The following RALYL variants were observed in gnomAD, a reference collection of about 807,000 sequenced individuals.
The protein encoded by RALYL is RNA-binding Raly-like protein.
Under a neutral mutation model 35.1 loss-of-function variants are expected in RALYL, and 29 were observed. The observed-to-expected ratio is 0.83, with a 90% CI of 0.61 to 1.13. RALYL has a LOEUF of 1.13. RALYL is among the 50% of genes most tolerant of loss of function. The pLI is 0.00. For missense variants in RALYL, 359 were observed against 360.4 expected (o/e 1.00, Z 0.03); for synonymous variants, 120 against 127.6 (o/e 0.94, Z 0.40).
intron 1 of RALYL, among the ~76,000 whole-genome samples, chr8:84,485,603 C>A (rs573656430): frequency 2.6e-4 from 39 of 152,068 alleles, no homozygotes; most frequent in African/African-American, 8.7e-4. Flanking sequence ...AAAACAAAAA[C>A]TACTAGTATC....
chr8:84,551,012 G>C (rs754110687), intron 2 of RALYL, among the ~76,000 whole-genome samples: 1 of 151,872 alleles, frequency 6.6e-6, no homozygotes, highest in Non-Finnish European at 1.5e-5. Flanking sequence ...GATTTTTTAA[G>C]GGTAGTGACA....
intron 2 of RALYL, among the ~76,000 whole-genome samples, chr8:84,651,342 A>T (rs1043134474): frequency 2.6e-5 from 4 of 151,926 alleles, no homozygotes; most frequent in African/African-American, 7.2e-5. Context: ...GTTAATAATT[A>T]TACTATAATT....
intron 1 of RALYL, among the ~76,000 whole-genome samples, chr8:84,366,209 A>T (rs1854236577): frequency 6.6e-6 from 1 of 152,168 alleles, no homozygotes; most frequent in South Asian, 2.1e-4. Context: ...CCAAAATTGG[A>T]AGGGAATATG....
intron 2 of RALYL, among the ~76,000 whole-genome samples, chr8:84,609,414 A>G (rs1410793056): frequency 6.6e-6 from 1 of 152,154 alleles, no homozygotes; most frequent in Non-Finnish European, 1.5e-5. Flanking sequence ...GCTACCTCAT[A>G]TTAGGAACTC....
chr8:84,647,903 G>C (rs1486653270), intron 2 of RALYL, among the ~76,000 whole-genome samples: 2 of 152,070 alleles, frequency 1.3e-5, no homozygotes, highest in Non-Finnish European at 2.9e-5. Context: ...AGTGCAAGGT[G>C]CTTAATCATT....
rs551566618 is a variant in RALYL at position 84,476,835 on chromosome 8, A to G, written c.-23-52464A>G. On this transcript the variant is annotated intron_variant, in intron 1 of 8. Coordinates refer to ENST00000521268, the MANE Select transcript of RALYL (RefSeq NM_173848.7). ...GAGAAGTTTTAATTCAATTGTGAAT[A>G]TTTTCAGTTTGAAGAAGTCCAGGAG... is the stretch of plus-strand genomic sequence containing the variant. Among the ~76,000 whole-genome samples, 8 of 152,332 alleles carry G rather than the reference A, an allele frequency of 5.3e-5. No individual in the cohort carries two copies. In the South Asian group the frequency reaches 1.7e-3, roughly 32 times the overall value.
At chr8:84,620,484 T>A (rs1821079437) in intron 2 of RALYL, among the ~76,000 whole-genome samples, 1 of 152,080 alleles carries the variant, frequency 6.6e-6, no homozygotes, top group South Asian at 2.1e-4. Context: ...TTATTCTAGT[T>A]ATACATTCTT....
chr8:84,694,705 T>A (rs1410003623), intron 2 of RALYL, among the ~76,000 whole-genome samples: 1 of 151,848 alleles, frequency 6.6e-6, no homozygotes, highest in African/African-American at 2.4e-5. Flanking sequence ...CTTTAAAATA[T>A]ATTACAAAGC....
intron 2 of RALYL, among the ~76,000 whole-genome samples, chr8:84,536,752 A>G (rs563803725): frequency 6.6e-6 from 1 of 152,348 alleles, no homozygotes; most frequent in South Asian, 2.1e-4. Flanking sequence ...CTTTTGCCTC[A>G]GTGTCTAAAG....
chr8:84,630,403 C>T (rs1007303381), intron 2 of RALYL, among the ~76,000 whole-genome samples: 5 of 151,846 alleles, frequency 3.3e-5, no homozygotes, highest in African/African-American at 1.2e-4. Context: ...CTTCAAACAA[C>T]AACAAGAAGA....
At chr8:84,393,309 G>T (rs1352713346) in intron 1 of RALYL, among the ~76,000 whole-genome samples, 1 of 151,990 alleles carries the variant, frequency 6.6e-6, no homozygotes, top group Non-Finnish European at 1.5e-5. Context: ...TTGGACTGAG[G>T]GCCTCAGTTT....
chr8:84,423,784 T>G (rs377632011), intron 1 of RALYL, among the ~76,000 whole-genome samples: 1 of 151,318 alleles, frequency 6.6e-6, no homozygotes, highest in Admixed American at 6.6e-5. Flanking sequence ...GTCTGTAAAG[T>G]ATTTTATTTC....
At chr8:84,386,412 A>T (rs1366225273) in intron 1 of RALYL, among the ~76,000 whole-genome samples, 1 of 151,910 alleles carries the variant, frequency 6.6e-6, no homozygotes, top group African/African-American at 2.4e-5. Flanking sequence ...AATTGGTGGT[A>T]ATATAATTGT....
intron 2 of RALYL, among the ~76,000 whole-genome samples, chr8:84,546,191 T>A (rs1013468840): frequency 5.3e-5 from 8 of 152,202 alleles, no homozygotes; most frequent in East Asian, 1.9e-4. Flanking sequence ...AGTGGCGCAA[T>A]CTCGGCTTAC....
intron 2 of RALYL, among the ~76,000 whole-genome samples, chr8:84,687,827 T>C (rs540998318): frequency 8.0e-4 from 122 of 152,194 alleles, no homozygotes; most frequent in Middle Eastern, 3.4e-3. Flanking sequence ...ATTGCTGAGA[T>C]TGTTAATGTA....
intron 2 of RALYL, among the ~76,000 whole-genome samples, chr8:84,705,684 CA>C: frequency 6.6e-6 from 1 of 152,144 alleles, no homozygotes; most frequent in African/African-American, 2.4e-5. Flanking sequence ...TTCAGTTTTG[CA>C]ATTCTTGCTA....
chr8:84,740,063 A>G (rs937954200), intron 2 of RALYL, among the ~76,000 whole-genome samples: 1 of 152,024 alleles, frequency 6.6e-6, no homozygotes. Flanking sequence ...CCTAAGAATA[A>G]AAGTCTGATG....
chr8:84,677,239 T>C (rs1167434069), intron 2 of RALYL, among the ~76,000 whole-genome samples: 3 of 152,200 alleles, frequency 2.0e-5, no homozygotes, highest in Non-Finnish European at 4.4e-5. Context: ...CCAGATAAAA[T>C]AAAATTTGAT....
intron 1 of RALYL, among the ~76,000 whole-genome samples, chr8:84,198,839 G>GTGTCTGAATAGTACTCC: frequency 6.6e-6 from 1 of 152,068 alleles, no homozygotes; most frequent in East Asian, 1.9e-4. Flanking sequence ...ATTCTTTTCT[G>GTGTCTGAATAGTACTCC]TGTCTGAATA....
Sources: allele counts gnomAD v4.1 joint callset (sites outside exome capture counted in the v4.1 genomes callset), GRCh38; gene constraint gnomAD v4.1.1; transcripts MANE v1.5; gene names NCBI Gene and HGNC (gene_info 2026-07-23, HGNC 2026-07-21).